The following NBEA variants were observed in gnomAD, a reference collection of about 807,000 sequenced individuals.
NBEA encodes the protein lysosomal-trafficking regulator 2.
A neutral mutation model predicts 343.4 loss-of-function variants in NBEA; 44 were observed. That is an observed-to-expected ratio of 0.13 (90% confidence interval 0.10 to 0.16). The LOEUF (loss-of-function observed/expected upper bound fraction) is 0.16, where lower values mean the gene tolerates loss of function less well. Ranked by LOEUF, NBEA falls within the 10% of genes least tolerant of loss-of-function variation. The pLI, the probability that NBEA is intolerant of heterozygous loss-of-function variation, is 1.00. For missense variants in NBEA, 2,555 were observed against 3,631.3 expected, an observed-to-expected ratio of 0.70 and a Z score of 7.62; for synonymous variants, 1,175 against 1,238.7, an observed-to-expected ratio of 0.95 and a Z score of 1.08.
chr13:35,488,621 A>G (rs1305772709), intron 41 of NBEA, among the ~76,000 whole-genome samples: 2 of 151,976 alleles, frequency 1.3e-5, no homozygotes, highest in Non-Finnish European at 2.9e-5. Flanking sequence ...ATTGATCTAC[A>G]TATTTTAACC....
At position 35,577,468 on chromosome 13, in the gene NBEA, G is replaced by T. The variant is rs181855129; in HGVS notation, c.7036-6430G>T. Among the ~76,000 whole-genome samples, 20 of 152,122 alleles carry T rather than the reference G, an allele frequency of 1.3e-4. No homozygotes were observed. The East Asian group carries it at 3.7e-3, about 28-fold the overall frequency. ...ATTGGCATTTATTATTCTGTGAATT[G>T]CCTATTCATCATATCATTTCCTCAT... On this transcript the variant is annotated intron_variant, in intron 45 of 58. Transcript: ENST00000379939.
intron 11 of NBEA, among the ~76,000 whole-genome samples, chr13:35,104,040 A>G (rs185740227): frequency 6.6e-6 from 1 of 151,902 alleles, no homozygotes; most frequent in East Asian, 1.9e-4. Context: ...ACCTCACTTC[A>G]TCTCTTCCCA....
At chr13:35,431,830 C>G (rs558875419) in intron 38 of NBEA, among the ~76,000 whole-genome samples, 7 of 152,206 alleles carry the variant, frequency 4.6e-5, no homozygotes, top group Non-Finnish European at 7.4e-5. Context: ...ATTCAGCCTA[C>G]TAAGAAACCA....
At position 35,570,122 on chromosome 13, in the gene NBEA, C is replaced by T. The variant is rs1593249537; in HGVS notation, c.7035+3105C>T. On this transcript the variant is annotated intron_variant, in intron 45 of 58. Transcript: ENST00000379939. ...AATCTCGGCTCACTGAAGCCTCCTC[C>T]TCCCAGGTTCAAGCGATTCTCCTGC... Among the ~76,000 whole-genome samples, 5 of 152,336 alleles carry T rather than the reference C, an allele frequency of 3.3e-5. No homozygotes were observed. In the South Asian group the frequency reaches 1.0e-3, roughly 32 times the overall value.
At chr13:35,243,061 AAAAC>A (rs1280851399) in intron 34 of NBEA, among the ~76,000 whole-genome samples, 3 of 151,890 alleles carry the variant, frequency 2.0e-5, no homozygotes, top group Admixed American at 1.3e-4. Flanking sequence ...CAAAAATGTA[AAAAC>A]AAACCTATGA....
chr13:34,956,966 A>G (rs940126714), intron 1 of NBEA, among the ~76,000 whole-genome samples: 1 of 152,062 alleles, frequency 6.6e-6, no homozygotes, highest in African/African-American at 2.4e-5. Flanking sequence ...TAATTTCTAC[A>G]GGACTCAGAT....
intron 1 of NBEA, among the ~76,000 whole-genome samples, chr13:34,963,406 T>C (rs1377934619): frequency 6.6e-6 from 1 of 152,004 alleles, no homozygotes; most frequent in Admixed American, 6.6e-5. Context: ...CTTATCTCTT[T>C]AAAGGTTCTA....
At chr13:34,955,472 T>A (rs868093480) in intron 1 of NBEA, among the ~76,000 whole-genome samples, 1 of 152,070 alleles carries the variant, frequency 6.6e-6, no homozygotes, top group African/African-American at 2.4e-5. Flanking sequence ...CTCCTAACTT[T>A]CCTTGGAGGA....
intron 34 of NBEA, among the ~76,000 whole-genome samples, chr13:35,266,838 A>T (rs1467052203): frequency 6.6e-6 from 1 of 152,036 alleles, no homozygotes; most frequent in South Asian, 2.1e-4. Flanking sequence ...GGTGCTGACC[A>T]CGTGTGCAGT....
chr13:34,988,295 C>A (rs2060630541), intron 1 of NBEA, among the ~76,000 whole-genome samples: 1 of 151,054 alleles, frequency 6.6e-6, no homozygotes, highest in Non-Finnish European at 1.5e-5. Flanking sequence ...TGAGCTCAAA[C>A]ACCATGCTGG....
chr13:35,557,170 T>C (rs1209196802), intron 44 of NBEA, among the ~76,000 whole-genome samples: 1 of 152,110 alleles, frequency 6.6e-6, no homozygotes, highest in African/African-American at 2.4e-5. Context: ...TAAAATGAGA[T>C]TTTCTCCAGG....
intron 36 of NBEA, among the ~76,000 whole-genome samples, chr13:35,323,047 G>T (rs911555087): frequency 4.0e-5 from 6 of 151,748 alleles, no homozygotes; most frequent in African/African-American, 1.5e-4. Flanking sequence ...ATGGGGTTCT[G>T]CCATGTTGCC....
At chr13:35,090,234 A>G (rs1426171562) in intron 10 of NBEA, among the ~76,000 whole-genome samples, 1 of 151,880 alleles carries the variant, frequency 6.6e-6, no homozygotes, top group South Asian at 2.1e-4. Flanking sequence ...GGGTTTCACC[A>G]TCCTATTTCA....
intron 46 of NBEA, among the ~76,000 whole-genome samples, chr13:35,591,961 G>A (rs1402613750): frequency 6.6e-6 from 1 of 152,042 alleles, no homozygotes; most frequent in Admixed American, 6.6e-5. Flanking sequence ...CAGGGAAAGG[G>A]AAATATGTAT....
rs1014541408 is a variant in NBEA at position 35,109,010 on chromosome 13, A to T, written c.1681-280A>T. On this transcript the variant is annotated intron_variant, in intron 11 of 58. Transcript: ENST00000379939. The stretch of plus-strand genomic sequence containing the variant: ...AAAAAATGAAATGAAGCCATTATTT[A>T]TAACATTTCATTTCTTTAGCTAATA... 1.3e-5 allele frequency among the ~76,000 whole-genome samples: 2 copies of T among 152,138 alleles called. 1 individual carries two copies. Among genetic ancestry groups the T allele is most frequent in the Admixed American group, 1.3e-4 (2 of 15,248 alleles).
intron 44 of NBEA, among the ~76,000 whole-genome samples, chr13:35,566,599 A>C (rs2080149799): frequency 6.6e-6 from 1 of 152,124 alleles, no homozygotes; most frequent in South Asian, 2.1e-4. Flanking sequence ...GATGAGAACT[A>C]AATCCTGTGG....
chr13:35,103,881 G>C (rs929632930), intron 11 of NBEA, among the ~76,000 whole-genome samples: 5 of 151,740 alleles, frequency 3.3e-5, no homozygotes, highest in Non-Finnish European at 7.4e-5. Context: ...TACCATGTCA[G>C]TTGATATCAT....
intron 38 of NBEA, among the ~76,000 whole-genome samples, chr13:35,406,963 CTT>C (rs551559932): frequency 1.2e-4 from 17 of 136,684 alleles, no homozygotes; most frequent in Admixed American, 3.7e-4. Flanking sequence ...TTTCTTTGCT[CTT>C]TTTTTTTTTT....
At chr13:35,531,069 A>G (rs2078240426) in intron 41 of NBEA, among the ~76,000 whole-genome samples, 1 of 152,224 alleles carries the variant, frequency 6.6e-6, no homozygotes, top group Non-Finnish European at 1.5e-5. Flanking sequence ...TTCTTTGTCA[A>G]TGATAGGGCC....
Sources: allele counts gnomAD v4.1 joint callset (sites outside exome capture counted in the v4.1 genomes callset), GRCh38; gene constraint gnomAD v4.1.1; transcripts MANE v1.5; gene names NCBI Gene and HGNC (gene_info 2026-07-23, HGNC 2026-07-21).